DDR2: variants seen among roughly 807,000 people sequenced by gnomAD.
DDR2 encodes discoidin domain-containing receptor 2.
A neutral mutation model predicts 94.9 loss-of-function variants in DDR2; 27 were observed. That is an observed-to-expected ratio of 0.28 (90% CI 0.21 to 0.39). DDR2 has a LOEUF of 0.39. Among genes scored for constraint, DDR2 ranks in the 10% least tolerant of loss-of-function variants. The pLI, the probability that DDR2 is intolerant of heterozygous loss-of-function variation, is 1.00. For synonymous variants in DDR2, 382 were observed against 377.2 expected (o/e 1.01, Z -0.15); for missense variants, 783 against 1,076.0 (o/e 0.73, Z 3.81).
At chr1:162,772,381 C>A in intron 13 of DDR2, 134 bp downstream of exon 13, 1 of 970,262 alleles carries the variant, frequency 1.0e-6, no homozygotes. Flanking sequence ...TTGCATTGTC[C>A]TCTGGATTTC....
At chr1:162,773,143 C>T (rs191644748) in intron 13 of DDR2, among the ~76,000 whole-genome samples, 1 of 152,228 alleles carries the variant, frequency 6.6e-6, no homozygotes, top group African/African-American at 2.4e-5. Context: ...ACTAATGAAT[C>T]GAAGTTCAAG....
At chr1:162,728,797 C>T (rs550135116) in intron 3 of DDR2, among the ~76,000 whole-genome samples, 5 of 152,156 alleles carry the variant, frequency 3.3e-5, no homozygotes, top group South Asian at 4.1e-4. Flanking sequence ...GTGATGACCA[C>T]GTGATACGGT....
chr1:162,645,176 A>G (rs1174493517), intron 1 of DDR2, among the ~76,000 whole-genome samples: 1 of 152,320 alleles, frequency 6.6e-6, no homozygotes, highest in African/African-American at 2.4e-5. Flanking sequence ...TCTTCAAGAG[A>G]GACAGGTGAT....
At chr1:162,764,176 G>A (rs983915441) in intron 9 of DDR2, among the ~76,000 whole-genome samples, 1 of 152,140 alleles carries the variant, frequency 6.6e-6, no homozygotes, top group Admixed American at 6.5e-5. Flanking sequence ...TCACCAATGT[G>A]ATATACAGTT....
chr1:162,743,862 C>T (rs761738469), intron 3 of DDR2, among the ~76,000 whole-genome samples: 11 of 152,206 alleles, frequency 7.2e-5, no homozygotes, highest in Admixed American at 3.9e-4. Flanking sequence ...TTTATGATTC[C>T]TCTGGCCGCT....
chr1:162,721,111 A>C (rs1422449869), intron 3 of DDR2, among the ~76,000 whole-genome samples: 1 of 152,018 alleles, frequency 6.6e-6, no homozygotes, highest in Non-Finnish European at 1.5e-5. Flanking sequence ...TACATTCTTC[A>C]TGCTCTGAGT....
At chr1:162,733,355 C>A (rs1662150220) in intron 3 of DDR2, among the ~76,000 whole-genome samples, 1 of 152,126 alleles carries the variant, frequency 6.6e-6, no homozygotes, top group Non-Finnish European at 1.5e-5. Context: ...ATGGGAAAAC[C>A]ACACTGGTAC....
chr1:162,741,245 AGT>A (rs1558057478), intron 3 of DDR2, among the ~76,000 whole-genome samples: 3,141 of 125,648 alleles, frequency 0.025, 109 homozygotes, highest in African/African-American at 0.064. Flanking sequence ...AATATAATAT[AGT>A]ATAATGTAAT....
intron 2 of DDR2, among the ~76,000 whole-genome samples, chr1:162,659,697 C>T (rs1002817470): frequency 4.6e-5 from 7 of 152,114 alleles, no homozygotes; most frequent in African/African-American, 1.7e-4. Context: ...ATGTCCCTCT[C>T]GCTGAGTGTG....
rs889307306 is a variant in DDR2, at chr1:162,711,003, G to A, written c.-27-8034G>A. Among the ~76,000 whole-genome samples the A allele has an allele frequency of 2.0e-5, 3 of 152,118 alleles. No homozygotes were observed. In the East Asian group the frequency reaches 5.8e-4, roughly 29 times the overall value. The stretch of plus-strand genomic sequence containing the variant: ...TCACAGGCTCAGTGTCAAGATCCCT[G>A]GGGGAAATCTGAATTTTCATTCTTC... On this transcript the variant is annotated intron_variant, in intron 2 of 17. Coordinates refer to ENST00000367921, the MANE Select transcript of DDR2 (RefSeq NM_006182.4).
chr1:162,700,264 C>G (rs1298393879), intron 2 of DDR2, among the ~76,000 whole-genome samples: 3 of 152,192 alleles, frequency 2.0e-5, no homozygotes, highest in Non-Finnish European at 4.4e-5. Flanking sequence ...CCATCTTTTG[C>G]TATTTGGGTA....
intron 2 of DDR2, among the ~76,000 whole-genome samples, chr1:162,665,967 C>A (rs1467434219): frequency 6.6e-6 from 1 of 152,154 alleles, no homozygotes; most frequent in East Asian, 1.9e-4. Flanking sequence ...GACCAGAGCC[C>A]TTTTCTTCCT....
chr1:162,642,303 G>A lies in DDR2; in HGVS notation c.-192+9672G>A, dbSNP rs150832817. Among the ~76,000 whole-genome samples, 16 of 150,378 alleles carry A rather than the reference G, an allele frequency of 1.1e-4. No homozygotes were observed. In the East Asian group the frequency reaches 2.4e-3, roughly 22 times the overall value. On this transcript the variant is annotated intron_variant, in intron 1 of 17. Transcript: ENST00000367921. ...TATCTATTTTTTGAGGTGGAATTTC[G>A]CTCTTGTTTCCCAGGCTGGAGTGCA...
At chr1:162,748,141 C>T (rs942055768) in intron 3 of DDR2, among the ~76,000 whole-genome samples, 3 of 152,200 alleles carry the variant, frequency 2.0e-5, no homozygotes, top group African/African-American at 7.2e-5. Context: ...ATCAAATTCA[C>T]ATGTAACAAT....
chr1:162,741,784 G>T (rs1662625949), intron 3 of DDR2: 1 of 984,284 alleles, frequency 1.0e-6, no homozygotes, highest in African/African-American at 1.7e-5. Flanking sequence ...CTGATAAACT[G>T]ACCTGGGCAT....
At chr1:162,770,585 C>T (rs1440660337) in intron 12 of DDR2, 73 bp downstream of exon 12, 6 of 1,387,836 alleles carry the variant, frequency 4.3e-6, no homozygotes, top group African/African-American at 1.4e-5. Flanking sequence ...GACACGCCTG[C>T]TCCCAGTTCA....
chr1:162,727,206 G>A (rs1661718821), intron 3 of DDR2, among the ~76,000 whole-genome samples: 1 of 142,884 alleles, frequency 7.0e-6, no homozygotes, highest in African/African-American at 2.5e-5. Context: ...TTTATATTTT[G>A]TAAATATAAA....
intron 2 of DDR2, among the ~76,000 whole-genome samples, chr1:162,679,365 AAC>A (rs1475638848): frequency 6.6e-6 from 1 of 152,164 alleles, no homozygotes; most frequent in African/African-American, 2.4e-5. Flanking sequence ...TGGAAAGAGA[AAC>A]ACACAAATTT....
At chr1:162,752,982 A>C (rs1663286445) in intron 3 of DDR2, 113 bp from the exon 4 acceptor site, 1 of 902,728 alleles carries the variant, frequency 1.1e-6, no homozygotes. Flanking sequence ...GAATTTAGGA[A>C]GATGTAAATT....
Sources: allele counts gnomAD v4.1 joint callset (sites outside exome capture counted in the v4.1 genomes callset), GRCh38; gene constraint gnomAD v4.1.1; transcripts MANE v1.5; gene names NCBI Gene and HGNC (gene_info 2026-07-23, HGNC 2026-07-21).